UBE4A: variants seen among roughly 807,000 people sequenced by gnomAD.
UBE4A encodes the protein ubiquitination factor E4A.
Under a neutral mutation model 117.9 loss-of-function variants are expected in UBE4A, and 48 were observed. The ratio of observed to expected loss-of-function variants is 0.41; its 90% confidence interval spans 0.32 to 0.52. UBE4A has a LOEUF of 0.52. Ranked by LOEUF, UBE4A falls within the 20% of genes least tolerant of loss-of-function variation. The pLI, the probability that UBE4A is intolerant of heterozygous loss-of-function variation, is 0.33. For synonymous variants in UBE4A, 407 were observed against 450.0 expected (o/e 0.90, Z 1.21); for missense variants, 1,067 against 1,296.3 (o/e 0.82, Z 2.72).
intron 8 of UBE4A, among the ~76,000 whole-genome samples, 195 bp downstream of exon 8, chr11:118,373,880 G>GAGGA (rs1263617459): frequency 6.6e-6 from 1 of 152,166 alleles, no homozygotes; most frequent in African/African-American, 2.4e-5. Flanking sequence ...GCCAAGGTGG[G>GAGGA]AGGATCGCTT....
chr11:118,372,457 T>G, intron 5 of UBE4A, 50 bp from the exon 6 acceptor site: 1 of 1,553,710 alleles, frequency 6.4e-7, no homozygotes, highest in South Asian at 1.2e-5. Flanking sequence ...CTACTTTCGT[T>G]CCAGATTACA....
intron 11 of UBE4A, among the ~76,000 whole-genome samples, chr11:118,380,086 A>G (rs557971126): frequency 6.6e-6 from 1 of 150,824 alleles, no homozygotes; most frequent in East Asian, 1.9e-4. Context: ...AAAAAAAATT[A>G]GCTCCTGCTG....
chr11:118,375,051 C>A lies in UBE4A; in HGVS notation c.1272C>A (p.Ile424=). 1 of 1,614,174 alleles carries A rather than the reference C, an allele frequency of 6.2e-7. No homozygotes were observed. Among genetic ancestry groups the A allele is most frequent in the Non-Finnish European group, 8.5e-7 (1 of 1,180,024 alleles). ...TKIWANQMPE[I]FFQMYASDAF... Reference sequence around the variant, plus strand: ...TTTGGGCCAATCAGATGCCAGAAATCTTTTTCCAAATGTATGCCTCAGATG... The same window carrying A: ...TTTGGGCCAATCAGATGCCAGAAATATTTTTCCAAATGTATGCCTCAGATG... Residue 424 remains isoleucine, a synonymous_variant, in exon 9 of 20, where the codon ATC becomes ATA. Transcript: ENST00000252108.
rs372627694 is a variant in UBE4A, at chr11:118,368,950, C to T, written c.295+146C>T. ...AACTCAGGGTTTATATTTCAGTGAA[C>T]CTTTTGGTATGACCTAAAAACAGTA... On this transcript the variant is annotated intron_variant, in intron 3 of 19. Coordinates refer to ENST00000252108, the MANE Select transcript of UBE4A (RefSeq NM_001204077.2). 580 of 820,102 alleles carry T rather than the reference C, an allele frequency of 7.1e-4. 14 individuals carry two copies. The South Asian group carries it at 9.9e-3, about 14-fold the overall frequency. 50.8% of individuals were successfully genotyped at this position (820,102 alleles called of 1,614,324 possible).
At chr11:118,364,255 C>A (rs1434785040) in intron 1 of UBE4A, among the ~76,000 whole-genome samples, 1 of 151,958 alleles carries the variant, frequency 6.6e-6, no homozygotes, top group Non-Finnish European at 1.5e-5. Flanking sequence ...GCAGGCTCAG[C>A]CAGCTCTACT....
Position 118,371,587 on chromosome 11 carries a change from ATCTC to A in UBE4A, c.486_489del (p.Ser163LeufsTer67). 6.2e-7 allele frequency: 1 copy of A among 1,614,034 alleles called. No individual in the cohort carries two copies. Among genetic ancestry groups the A allele is most frequent in the Non-Finnish European group, 8.5e-7 (1 of 1,179,994 alleles). ...AACATGACTTCTTCTACAACGCTAAATCTCTCTGCTGATCGAGATGCAGGAGAGA... is the reference window on the plus strand; with the variant it reads ...AACATGACTTCTTCTACAACGCTAAATCTGCTGATCGAGATGCAGGAGAGA... On this transcript the variant is annotated frameshift_variant, in exon 5 of 20. Transcript: ENST00000252108. LOFTEE classifies it high-confidence loss of function.
intron 1 of UBE4A, among the ~76,000 whole-genome samples, chr11:118,360,277 C>T (rs915928413): frequency 1.3e-5 from 2 of 152,116 alleles, no homozygotes; most frequent in African/African-American, 4.8e-5. Context: ...CTTTTAGGAT[C>T]AGTTTTATGC....
intron 1 of UBE4A, among the ~76,000 whole-genome samples, chr11:118,360,844 A>T (rs1159907606): frequency 6.6e-6 from 1 of 152,138 alleles, no homozygotes; most frequent in Admixed American, 6.5e-5. Context: ...TTCAAGGAGG[A>T]TATATTTTAA....
At position 118,368,645 on chromosome 11, in the gene UBE4A, A is replaced by C. The variant is rs781639685; in HGVS notation, c.136A>C (p.Ser46Arg). 2 of 1,614,072 alleles carry C rather than the reference A, an allele frequency of 1.2e-6. No individual in the cohort carries two copies. The highest frequency in any genetic ancestry group is 1.7e-6 in the Non-Finnish European group (2 of 1,180,026). Residue 46 changes from serine (S) to arginine (R), a missense_variant, in exon 3 of 20, where the codon AGC (serine) becomes CGC (arginine). Physicochemically the swap from Ser to Arg is moderately radical, Grantham distance 110. This residue lies in a region of UBE4A where 1,001 missense variants were observed against 1,184.0 expected (regional missense o/e 0.85). Coordinates refer to ENST00000252108, the MANE Select transcript of UBE4A (RefSeq NM_001204077.2). The part of the protein sequence containing the change: ...LKQQSDELPA[S>R]PDDSDNSVSE... ...TTTTCTGGCAGATGAACTCCCAGCT[A>C]GCCCAGATGACTCGGATAATAGCGT...
chr11:118,382,504 G>T, intron 12 of UBE4A, 85 bp from the exon 13 acceptor site: 2 of 1,203,752 alleles, frequency 1.7e-6, no homozygotes, highest in Non-Finnish European at 2.2e-6. Context: ...GTTTAGGGTG[G>T]ATTTTGATTC....
At chr11:118,388,139 C>T (rs1029419155) in intron 16 of UBE4A, among the ~76,000 whole-genome samples, 16 of 152,112 alleles carry the variant, frequency 1.1e-4, no homozygotes, top group Non-Finnish European at 1.6e-4. Flanking sequence ...ATAATATTTA[C>T]ATAATCTTAA....
chr11:118,378,509 A>G (rs1259303032), intron 10 of UBE4A: 19 of 152,218 alleles, frequency 1.2e-4, no homozygotes, highest in Admixed American at 1.2e-3. Flanking sequence ...AGGTATAAGT[A>G]GAGGAAGAAA....
chr11:118,385,453 C>A (rs1337857004), intron 15 of UBE4A, among the ~76,000 whole-genome samples: 1 of 152,198 alleles, frequency 6.6e-6, no homozygotes, highest in African/African-American at 2.4e-5. Context: ...GTTGTCAATA[C>A]TTCTCATATT....
rs1376399282 is a variant in UBE4A at position 118,398,733 on chromosome 11, AC to A, written c.*2295del. ...TCAGCTCTGGTATTGCTCATAACTT[AC>A]CAAGAGGCTAATACTAAACTTGGAA... On this transcript the variant is annotated 3_prime_UTR_variant, in exon 20 of 20. Coordinates refer to ENST00000252108, the MANE Select transcript of UBE4A (RefSeq NM_001204077.2). The A allele has an allele frequency of 2.4e-5, 4 of 165,436 alleles. No individual in the cohort carries two copies. Among genetic ancestry groups the A allele is most frequent in the African/African-American group, 9.6e-5 (4 of 41,798 alleles). 10.2% of individuals were successfully genotyped at this position (165,436 alleles called of 1,614,324 possible).
chr11:118,369,677 G>A (rs1948593711), intron 4 of UBE4A, 142 bp downstream of exon 4: 2 of 608,732 alleles, frequency 3.3e-6, no homozygotes, highest in East Asian at 2.8e-5. Flanking sequence ...CCAGTAGAAG[G>A]CCAAGTAACC....
chr11:118,377,994 T>C (rs530555432), intron 10 of UBE4A, among the ~76,000 whole-genome samples: 87 of 149,570 alleles, frequency 5.8e-4, no homozygotes, highest in African/African-American at 2.0e-3. Flanking sequence ...ATGCCTATAA[T>C]CCCAGCACTT....
rs1309671134 is a variant in UBE4A at position 118,379,760 on chromosome 11, C to T, written c.1876+10C>T. ...TTGGCTTATGTGCCAGGTAAGCAGG[C>T]TCTCCCTTGGGAATGTCCTGTTTAT... On this transcript the variant is annotated intron_variant, in intron 11 of 19. Coordinates refer to ENST00000252108, the MANE Select transcript of UBE4A (RefSeq NM_001204077.2). The T allele has an allele frequency of 1.2e-6, 2 of 1,603,804 alleles. No homozygotes were observed. The highest frequency in any genetic ancestry group is 1.7e-5 in the Admixed American group (1 of 59,810).
intron 19 of UBE4A, 149 bp from the exon 20 acceptor site, chr11:118,396,165 C>A: frequency 1.1e-6 from 1 of 885,802 alleles, no homozygotes; most frequent in Non-Finnish European, 1.6e-6. Flanking sequence ...CTTGTTCTCA[C>A]TCTTTCTAAC....
chr11:118,383,466 G>A (rs973078691), intron 13 of UBE4A, among the ~76,000 whole-genome samples: 43 of 151,860 alleles, frequency 2.8e-4, no homozygotes, highest in African/African-American at 9.7e-4. Context: ...GGTGGCAGGT[G>A]CCTGTAATCC....
Sources: gnomAD v4.1 joint callset for allele counts (sites outside exome capture counted in the v4.1 genomes callset) on GRCh38, gnomAD v4.1.1 for gene constraint, gnomAD v4.1.1 regional missense constraint, MANE v1.5 for transcripts, NCBI Gene and HGNC (gene_info 2026-07-23, HGNC 2026-07-21) for gene names.